SLC18B1: variants seen among roughly 807,000 people sequenced by gnomAD.
SLC18B1 encodes MFS-type transporter SLC18B1.
Under a neutral mutation model 53.9 loss-of-function variants are expected in SLC18B1, and 62 were observed. That is an observed-to-expected ratio of 1.15 (90% CI 0.94 to 1.42). The LOEUF (loss-of-function observed/expected upper bound fraction) is 1.42. SLC18B1 is among the 40% of genes most tolerant of loss of function. The probability of loss-of-function intolerance (pLI) is 0.00; values close to 1 mark genes in which losing one functional copy is unlikely to be tolerated. For missense variants in SLC18B1, 598 were observed against 547.3 expected (o/e 1.09, Z -0.93); for synonymous variants, 217 against 200.9 (o/e 1.08, Z -0.68).
intron 2 of SLC18B1, among the ~76,000 whole-genome samples, chr6:132,794,144 C>T (rs1023899669): frequency 9.6e-5 from 14 of 146,364 alleles, no homozygotes; most frequent in African/African-American, 3.7e-4. Flanking sequence ...CACTCTGTTG[C>T]CCAGGCTAGA....
At chr6:132,787,286 T>C in intron 5 of SLC18B1, 148 bp downstream of exon 5, 1 of 636,240 alleles carries the variant, frequency 1.6e-6, no homozygotes, top group Non-Finnish European at 2.4e-6. Flanking sequence ...ACAGGCTTGC[T>C]GCTAGTCAAA....
intron 5 of SLC18B1, among the ~76,000 whole-genome samples, chr6:132,785,919 AAG>A (rs1781359011): frequency 6.7e-6 from 1 of 150,140 alleles, no homozygotes; most frequent in Admixed American, 6.6e-5. Context: ...AAAAAAAAGA[AAG>A]AAAAAAAGAA....
intron 2 of SLC18B1, among the ~76,000 whole-genome samples, chr6:132,792,280 A>AAAGAAAGGAAGGAAGGAAGGAAGG: frequency 2.3e-5 from 1 of 42,674 alleles, no homozygotes; most frequent in South Asian, 8.7e-4. Flanking sequence ...AGAAAGAAAG[A>AAAGAAAGGAAGGAAGGAAGGAAGG]AAGGAAGAAA....
chr6:132,792,007 C>T (rs952743013), intron 2 of SLC18B1, among the ~76,000 whole-genome samples: 16 of 151,724 alleles, frequency 1.1e-4, no homozygotes, highest in Non-Finnish European at 1.9e-4. Context: ...GTGGGAGGAT[C>T]ACTTGAGGTC....
At chr6:132,774,745 T>C (rs923476174) in intron 8 of SLC18B1, among the ~76,000 whole-genome samples, 1 of 151,916 alleles carries the variant, frequency 6.6e-6, no homozygotes, top group African/African-American at 2.4e-5. Flanking sequence ...CCTGTCTCTA[T>C]TAAAAAAATA....
chr6:132,792,257 A>AAGAGAGAGAGAGAGAGAGAGAGAGAG (rs1354049247), intron 2 of SLC18B1, among the ~76,000 whole-genome samples: 1 of 33,372 alleles, frequency 3.0e-5, no homozygotes, highest in Admixed American at 2.7e-4. Context: ...GAAAGAAAGA[A>AAGAGAGAGAGAGAGAGAGAGAGAGAG]AGAAAGAAAG....
intron 1 of SLC18B1, among the ~76,000 whole-genome samples, 199 bp downstream of exon 1, chr6:132,798,215 A>C (rs1418435126): frequency 1.3e-5 from 2 of 152,238 alleles, no homozygotes; most frequent in African/African-American, 4.8e-5. Flanking sequence ...GTCATTAGAA[A>C]CCGTGACACA....
chr6:132,798,347 T>G (rs1187615216), intron 1 of SLC18B1, 67 bp downstream of exon 1: 1 of 1,465,216 alleles, frequency 6.8e-7, no homozygotes, highest in Non-Finnish European at 9.1e-7. Flanking sequence ...AATTCAATCG[T>G]TGCTAAAGAG....
intron 4 of SLC18B1, among the ~76,000 whole-genome samples, chr6:132,788,371 T>G (rs75618573): frequency 0.047 from 7,170 of 151,886 alleles, 578 homozygotes; most frequent in African/African-American, 0.16. Flanking sequence ...AGAATATGAT[T>G]TTTTTTAAAA....
intron 2 of SLC18B1, among the ~76,000 whole-genome samples, chr6:132,794,050 C>G (rs994798089): frequency 1.5e-4 from 23 of 152,024 alleles, no homozygotes; most frequent in Non-Finnish European, 7.4e-5. Flanking sequence ...CTGGTTGATT[C>G]ACTCACTCCA....
chr6:132,780,111 T>A (rs1188424807), intron 6 of SLC18B1, among the ~76,000 whole-genome samples: 5 of 151,754 alleles, frequency 3.3e-5, no homozygotes, highest in African/African-American at 1.2e-4. Flanking sequence ...TTTTTTTTTT[T>A]TAAGAGATGG....
At chr6:132,789,550 C>A in intron 4 of SLC18B1, 1 of 450,452 alleles carries the variant, frequency 2.2e-6, no homozygotes, top group East Asian at 3.3e-5. Flanking sequence ...GGTTCAGTAG[C>A]AAGCATCACG....
At position 132,783,993 on chromosome 6, in the gene SLC18B1, C is replaced by T. The variant is rs753306920; in HGVS notation, c.598G>A (p.Val200Ile). The T allele has an allele frequency of 1.2e-6, 2 of 1,610,168 alleles. No homozygotes were observed. Among genetic ancestry groups the T allele is most frequent in the South Asian group, 2.2e-5 (2 of 90,634 alleles). The change falls in exon 6 of 14, where the codon GTT becomes ATT. Residue 200 changes from valine (V) to isoleucine (I), a missense_variant. By Grantham distance (29) the Val-to-Ile change is conservative (BLOSUM62 3). Transcript: ENST00000275227. ...QSFGYEVPFIVLGCVVLLMVP... is the reference protein window; with the variant it reads ...QSFGYEVPFIILGCVVLLMVP... Reference sequence around the variant, plus strand: ...ATCAGCAAAACGACGCATCCCAGAACAATAAAAGGCACTTCATAGCCAAAG... The same window carrying T: ...ATCAGCAAAACGACGCATCCCAGAATAATAAAAGGCACTTCATAGCCAAAG...
At chr6:132,792,280 A>AAAGAAAGAAAGAAAGAAAGAAAGGAAGG (rs1554223267) in intron 2 of SLC18B1, among the ~76,000 whole-genome samples, 49 of 42,690 alleles carry the variant, frequency 1.1e-3, no homozygotes, top group East Asian at 3.4e-3. Context: ...AGAAAGAAAG[A>AAAGAAAGAAAGAAAGAAAGAAAGGAAGG]AAGGAAGAAA....
chr6:132,783,640 A>G lies in SLC18B1; in HGVS notation c.658+293T>C, dbSNP rs1781294682. ...AGGAAGACTGGGCCATATGTGGCCC[A>G]CAGAAACTTCTGGTTTTGATATTTA... On this transcript the variant is annotated intron_variant, in intron 6 of 13. Transcript: ENST00000275227. 2.0e-5 allele frequency among the ~76,000 whole-genome samples: 3 copies of G among 152,358 alleles called. No individual in the cohort carries two copies. In the South Asian group the frequency reaches 6.2e-4, roughly 32 times the overall value.
At chr6:132,790,529 G>C (rs988679553) in intron 2 of SLC18B1, among the ~76,000 whole-genome samples, 1 of 152,110 alleles carries the variant, frequency 6.6e-6, no homozygotes, top group Non-Finnish European at 1.5e-5. Flanking sequence ...TGTGGCAAAA[G>C]TCAGAATCAG....
chr6:132,796,586 T>C (rs1781696842), intron 2 of SLC18B1, among the ~76,000 whole-genome samples: 1 of 143,574 alleles, frequency 7.0e-6, no homozygotes, highest in African/African-American at 2.5e-5. Context: ...AACGTCCTAA[T>C]TCTAAAATGT....
At chr6:132,795,534 G>A (rs1296429807) in intron 2 of SLC18B1, among the ~76,000 whole-genome samples, 1 of 152,188 alleles carries the variant, frequency 6.6e-6, no homozygotes, top group African/African-American at 2.4e-5. Context: ...TGGCAATATT[G>A]TTCCTTTAGC....
In SLC18B1 at chr6:132,774,306, C is replaced by G; in HGVS notation, c.905G>C (p.Arg302Thr). Reference protein sequence around the residue: ...GLLSDKRPPLRKWLLVFGNLI... With the variant: ...GLLSDKRPPLTKWLLVFGNLI... Reference sequence around the variant, plus strand: ...GTTGCCAAACACCAGAAGCCATTTCCTTAGAGGCTGGTAAAGGAGAAAGAG... The same window carrying G: ...GTTGCCAAACACCAGAAGCCATTTCGTTAGAGGCTGGTAAAGGAGAAAGAG... The change falls in exon 9 of 14, where the codon AGG (arginine) becomes ACG (threonine). Residue 302 changes from arginine (R) to threonine (T), a missense_variant. Transcript: ENST00000275227. 1 of 1,612,268 alleles carries G rather than the reference C, an allele frequency of 6.2e-7. No homozygotes were observed. The highest frequency in any genetic ancestry group is 8.5e-7 in the Non-Finnish European group (1 of 1,178,872).
Sources: gnomAD v4.1 joint callset for allele counts (sites outside exome capture counted in the v4.1 genomes callset) on GRCh38, gnomAD v4.1.1 for gene constraint, MANE v1.5 for transcripts, NCBI Gene and HGNC (gene_info 2026-07-23, HGNC 2026-07-21) for gene names.